The following CAMK2B variants were observed in gnomAD, a reference collection of about 807,000 sequenced individuals.
The protein encoded by CAMK2B is calcium/calmodulin dependent protein kinase II beta, also known as calcium/calmodulin-dependent protein kinase type II subunit beta.
Under a neutral mutation model 93.7 loss-of-function variants are expected in CAMK2B, and 27 were observed. That is an observed-to-expected ratio of 0.29 (90% CI 0.21 to 0.40). The LOEUF is 0.40. CAMK2B is among the 10% of genes least tolerant of loss of function. CAMK2B has a pLI of 1.00. For synonymous variants in CAMK2B, 374 were observed against 358.8 expected (o/e 1.04, Z -0.48); for missense variants, 568 against 895.8 (o/e 0.63, Z 4.67).
intron 5 of CAMK2B, 89 bp from the exon 6 acceptor site, chr7:44,247,281 C>T (rs958613437): frequency 1.9e-6 from 2 of 1,070,500 alleles, no homozygotes; most frequent in Admixed American, 1.9e-5. Flanking sequence ...TGCTGTGTGG[C>T]CTGGGGGGAC....
At chr7:44,315,780 TTC>T (rs1196684154) in intron 1 of CAMK2B, among the ~76,000 whole-genome samples, 105 of 152,328 alleles carry the variant, frequency 6.9e-4, no homozygotes, top group African/African-American at 2.4e-3. Context: ...AGTCTTGTAC[TTC>T]TTTTATTAAA....
chr7:44,226,694 G>A (rs751273258), intron 19 of CAMK2B, 50 bp from the exon 20 acceptor site: 92 of 1,460,202 alleles, frequency 6.3e-5, no homozygotes, highest in Non-Finnish European at 7.3e-5. Flanking sequence ...CGGGGGGCAC[G>A]CAGGAGAGAA....
intron 3 of CAMK2B, among the ~76,000 whole-genome samples, chr7:44,262,494 T>C (rs997028528): frequency 9.2e-5 from 14 of 152,142 alleles, no homozygotes; most frequent in African/African-American, 2.9e-4. Context: ...GAGAACAGCA[T>C]GTGCTGGGGT....
intron 12 of CAMK2B, among the ~76,000 whole-genome samples, chr7:44,240,435 C>A (rs958365519): frequency 6.6e-6 from 1 of 152,134 alleles, no homozygotes; most frequent in African/African-American, 2.4e-5. Context: ...CTGTGAGCCC[C>A]AGTGGGGCAG....
chr7:44,231,656 A>G (rs1377255314), intron 16 of CAMK2B, among the ~76,000 whole-genome samples: 1 of 152,172 alleles, frequency 6.6e-6, no homozygotes, highest in Admixed American at 6.5e-5. Context: ...CCCCAGGCAG[A>G]GCATTCCTGT....
chr7:44,291,704 C>T (rs1185602995), intron 1 of CAMK2B, among the ~76,000 whole-genome samples: 1 of 152,248 alleles, frequency 6.6e-6, no homozygotes, highest in Non-Finnish European at 1.5e-5. Flanking sequence ...CCACTGATAG[C>T]TGGGTGCTTC....
At chr7:44,243,561 T>A in intron 6 of CAMK2B, 34 bp from the exon 7 acceptor site, 1 of 1,574,414 alleles carries the variant, frequency 6.4e-7, no homozygotes, top group South Asian at 1.1e-5. Context: ...GGGTGCATGT[T>A]GTTTAAACCC....
rs1378469789 is a variant in CAMK2B at position 44,229,429 on chromosome 7, G to A, written c.1298C>T (p.Pro433Leu). The A allele has an allele frequency of 2.0e-6, 3 of 1,506,212 alleles. No homozygotes were observed. Among genetic ancestry groups the A allele is most frequent in the Non-Finnish European group, 2.7e-6 (3 of 1,128,796 alleles). The allele number at this position is 1,506,212 out of a possible 1,614,324, so 93.3% of individuals were successfully genotyped here. Residue 433 changes from proline to leucine, a missense_variant, in exon 18 of 24, where the codon CCC (proline) becomes CTC (leucine). By Grantham distance (98) the Pro-to-Leu change is moderately conservative. Around this residue, in one of 4 missense-constraint regions of CAMK2B, gnomAD observed 308 missense variants for 292.1 expected, o/e 1.05. Coordinates refer to ENST00000395749, the MANE Select transcript of CAMK2B (RefSeq NM_001220.5). ...SGAPEAEGPL[P>L]CPSPAPFSPL... Reference sequence around the variant, plus strand: ...GCTAAAGGGAGCCGGAGATGGGCAGGGCAGGGGCCCCTCGGCTTCTGGGGC... The same window carrying A: ...GCTAAAGGGAGCCGGAGATGGGCAGAGCAGGGGCCCCTCGGCTTCTGGGGC...
At chr7:44,272,330 C>T (rs999218871) in intron 2 of CAMK2B, among the ~76,000 whole-genome samples, 3 of 152,056 alleles carry the variant, frequency 2.0e-5, no homozygotes, top group South Asian at 2.1e-4. Context: ...AGGGGGTAGG[C>T]GGTGGAGGCA....
chr7:44,294,997 T>C (rs558388389), intron 1 of CAMK2B, among the ~76,000 whole-genome samples: 2 of 152,298 alleles, frequency 1.3e-5, no homozygotes, highest in African/African-American at 4.8e-5. Context: ...AATTCTGGAC[T>C]CAGAAAAGCC....
At chr7:44,236,311 G>A (rs548809691) in intron 13 of CAMK2B, among the ~76,000 whole-genome samples, 6 of 152,348 alleles carry the variant, frequency 3.9e-5, no homozygotes, top group African/African-American at 7.2e-5. Context: ...GTGGCCCTGC[G>A]GACCCCATGT....
At chr7:44,231,128 A>G (rs1297968555) in intron 16 of CAMK2B, 74 bp from the exon 17 acceptor site, 11 of 842,546 alleles carry the variant, frequency 1.3e-5, no homozygotes, top group Non-Finnish European at 1.8e-5. Context: ...GCAGGTGGAC[A>G]GGGCTGGGCC....
intron 1 of CAMK2B, among the ~76,000 whole-genome samples, chr7:44,317,749 G>C (rs1345793870): frequency 6.6e-6 from 1 of 152,150 alleles, no homozygotes; most frequent in East Asian, 1.9e-4. Flanking sequence ...CAACTTGGAT[G>C]GGGTGGGCGG....
intron 5 of CAMK2B, among the ~76,000 whole-genome samples, chr7:44,250,146 A>G (rs1427572240): frequency 6.6e-6 from 1 of 152,240 alleles, no homozygotes; most frequent in Non-Finnish European, 1.5e-5. Context: ...CCAGCAGGGT[A>G]GGTGGGATGG....
chr7:44,283,806 G>A (rs960697702), intron 2 of CAMK2B, among the ~76,000 whole-genome samples: 3 of 152,216 alleles, frequency 2.0e-5, no homozygotes, highest in South Asian at 2.1e-4. Context: ...CCCCATACAC[G>A]GGATGGGGAG....
At chr7:44,251,571 C>T (rs1006276979) in intron 5 of CAMK2B, among the ~76,000 whole-genome samples, 1 of 152,238 alleles carries the variant, frequency 6.6e-6, no homozygotes, top group Non-Finnish European at 1.5e-5. Flanking sequence ...CTCTCCCACT[C>T]AGCCTCCAAA....
chr7:44,283,241 T>C (rs1029619632), intron 2 of CAMK2B, among the ~76,000 whole-genome samples: 3 of 152,240 alleles, frequency 2.0e-5, no homozygotes, highest in Admixed American at 6.5e-5. Flanking sequence ...ATCATCAGAT[T>C]TGCTGTGTGC....
chr7:44,258,901 C>G lies in CAMK2B; in HGVS notation c.246G>C (p.Glu82Asp). 6.2e-7 allele frequency: 1 copy of G among 1,614,016 alleles called. No homozygotes were observed. Among genetic ancestry groups the G allele is most frequent in the Non-Finnish European group, 8.5e-7 (1 of 1,179,944 alleles). Reference sequence around the variant, plus strand: ...CGAAGACCAGGTAGTGGAAGCCCTCCTCGGAGATGCTGTCGTGGAGACGCA... The same window carrying G: ...CGAAGACCAGGTAGTGGAAGCCCTCGTCGGAGATGCTGTCGTGGAGACGCA... ...NIVRLHDSIS[E>D]EGFHYLVFDL... The change falls in exon 4 of 24, where the codon GAG becomes GAC. Residue 82 changes from glutamate to aspartate, a missense_variant. By Grantham distance (45) the Glu-to-Asp change is conservative. Coordinates refer to ENST00000395749, the MANE Select transcript of CAMK2B (RefSeq NM_001220.5).
chr7:44,258,855 C>G lies in CAMK2B; in HGVS notation c.275+17G>C. 1 of 1,612,884 alleles carries G rather than the reference C, an allele frequency of 6.2e-7. No individual in the cohort carries two copies. Among genetic ancestry groups the G allele is most frequent in the Non-Finnish European group, 8.5e-7 (1 of 1,179,166 alleles). ...CTGGGAGTGAGTGCAGCGAGAGTCC[C>G]CAGCTCTGGAACTTACAGATCGAAG... On this transcript the variant is annotated intron_variant, in intron 4 of 23. Coordinates refer to ENST00000395749, the MANE Select transcript of CAMK2B (RefSeq NM_001220.5).
Sources: gnomAD v4.1 joint callset for allele counts (sites outside exome capture counted in the v4.1 genomes callset) on GRCh38, gnomAD v4.1.1 for gene constraint, gnomAD v4.1.1 regional missense constraint, MANE v1.5 for transcripts, NCBI Gene and HGNC (gene_info 2026-07-23, HGNC 2026-07-21) for gene names.